Variants in FAM135B observed in about 807,000 individuals in gnomAD.
FAM135B encodes protein FAM135B.
Under a neutral mutation model 127.7 loss-of-function variants are expected in FAM135B, and 43 were observed. That is an observed-to-expected ratio of 0.34 (90% CI 0.26 to 0.43). The LOEUF (loss-of-function observed/expected upper bound fraction) is 0.43. Ranked by LOEUF, FAM135B falls within the 20% of genes least tolerant of loss-of-function variation. The probability of loss-of-function intolerance (pLI) is 1.00; values close to 1 mark genes in which losing one functional copy is unlikely to be tolerated. For missense variants in FAM135B, 1,558 were observed against 1,725.6 expected (o/e 0.90, Z 1.72); for synonymous variants, 670 against 665.1 (o/e 1.01, Z -0.11).
At chr8:138,473,701 C>T (rs963459082) in intron 1 of FAM135B, among the ~76,000 whole-genome samples, 5 of 152,084 alleles carry the variant, frequency 3.3e-5, no homozygotes, top group African/African-American at 7.2e-5. Context: ...ACTGGTAATT[C>T]GCTAAACAAT....
At chr8:138,430,555 G>C (rs973352727) in intron 1 of FAM135B, among the ~76,000 whole-genome samples, 1 of 152,174 alleles carries the variant, frequency 6.6e-6, no homozygotes, top group Non-Finnish European at 1.5e-5. Flanking sequence ...TGGCCTCCAA[G>C]AGGATACATT....
chr8:138,310,385 T>A (rs865895100), intron 3 of FAM135B, among the ~76,000 whole-genome samples: 3 of 152,156 alleles, frequency 2.0e-5, no homozygotes, highest in African/African-American at 4.8e-5. Context: ...ATCTGAGTTG[T>A]CCTTGGCAAT....
At chr8:138,415,847 T>C (rs954086599) in intron 1 of FAM135B, among the ~76,000 whole-genome samples, 1 of 152,198 alleles carries the variant, frequency 6.6e-6, no homozygotes, top group African/African-American at 2.4e-5. Context: ...TCTCCTGAAA[T>C]ATGTTTCACA....
intron 1 of FAM135B, among the ~76,000 whole-genome samples, chr8:138,407,366 C>T (rs1250946812): frequency 1.3e-5 from 2 of 152,190 alleles, no homozygotes; most frequent in African/African-American, 4.8e-5. Context: ...CCATCCCCAT[C>T]AAGCTACCAA....
chr8:138,389,935 T>C (rs770878559), intron 1 of FAM135B, among the ~76,000 whole-genome samples: 3 of 152,206 alleles, frequency 2.0e-5, no homozygotes, highest in Non-Finnish European at 4.4e-5. Flanking sequence ...AGGAAATAGC[T>C]GCCAGAATAA....
chr8:138,289,761 C>T (rs1824963280), intron 3 of FAM135B, among the ~76,000 whole-genome samples: 1 of 152,162 alleles, frequency 6.6e-6, no homozygotes. Flanking sequence ...CCTGTCCATC[C>T]CAATCATCCC....
chr8:138,397,929 C>T (rs996341554), intron 1 of FAM135B, among the ~76,000 whole-genome samples: 11 of 152,216 alleles, frequency 7.2e-5, no homozygotes, highest in African/African-American at 2.4e-4. Flanking sequence ...GTGGAGATTC[C>T]CTTCTCCTGA....
At chr8:138,308,916 T>C (rs1826459515) in intron 3 of FAM135B, 1 of 404,688 alleles carries the variant, frequency 2.5e-6, no homozygotes, top group South Asian at 1.8e-5. Flanking sequence ...CTCCGAGGCT[T>C]TTACCTTGAC....
At position 138,195,253 on chromosome 8, in the gene FAM135B, A is replaced by G. The variant is rs776639777; in HGVS notation, c.873+5T>C. ...TTCAGACCCCAGCGCCAGTTCTCCA[A>G]TTACCTGTAGCTCTGAGCACAGCTG... On this transcript the variant is annotated splice_donor_5th_base_variant and intron_variant, in intron 9 of 19. Transcript: ENST00000395297. The G allele has an allele frequency of 8.1e-6, 13 of 1,613,220 alleles. No homozygotes were observed. The highest frequency in any genetic ancestry group is 1.0e-5 in the Non-Finnish European group (12 of 1,179,672).
intron 1 of FAM135B, among the ~76,000 whole-genome samples, chr8:138,387,245 ACTT>A (rs1832273787): frequency 6.6e-6 from 1 of 152,128 alleles, no homozygotes; most frequent in Non-Finnish European, 1.5e-5. Context: ...AGCAGGCCAG[ACTT>A]CTTAAGTCCT....
At position 138,195,063 on chromosome 8, in the gene FAM135B, T is replaced by C. The variant is rs2131108947; in HGVS notation, c.873+195A>G. On this transcript the variant is annotated intron_variant, in intron 9 of 19. Transcript: ENST00000395297. ...TAACATGTTTAGTTTTTCCAAAATA[T>C]CTAGCAAGGCACATACTTATAGAAC... Among the ~76,000 whole-genome samples the C allele has an allele frequency of 2.6e-5, 4 of 152,354 alleles. 1 individual carries two copies. The Middle Eastern group carries it at 0.01, about 389-fold the overall frequency.
chr8:138,198,531 G>T (rs1036351852), intron 7 of FAM135B, among the ~76,000 whole-genome samples: 1 of 152,194 alleles, frequency 6.6e-6, no homozygotes, highest in South Asian at 2.1e-4. Context: ...AGGAGGAAAA[G>T]AAAGTGTCAT....
At chr8:138,408,143 C>A (rs923883025) in intron 1 of FAM135B, among the ~76,000 whole-genome samples, 1 of 152,120 alleles carries the variant, frequency 6.6e-6, no homozygotes, top group African/African-American at 2.4e-5. Flanking sequence ...TGCAATAGCC[C>A]CTAACAAAAG....
intron 3 of FAM135B, among the ~76,000 whole-genome samples, chr8:138,305,320 T>G (rs1826166006): frequency 6.6e-6 from 1 of 152,234 alleles, no homozygotes. Context: ...AATCATTTGC[T>G]GCAGCCTCAC....
intron 15 of FAM135B, among the ~76,000 whole-genome samples, chr8:138,145,204 A>T (rs905997618): frequency 6.6e-6 from 1 of 151,976 alleles, no homozygotes; most frequent in Non-Finnish European, 1.5e-5. Flanking sequence ...TTTGGAGAGA[A>T]AGGGTCTCAC....
chr8:138,300,768 T>TC (rs1825827357), intron 3 of FAM135B, among the ~76,000 whole-genome samples: 3 of 147,526 alleles, frequency 2.0e-5, no homozygotes, highest in Non-Finnish European at 4.5e-5. Context: ...TTTTTTTTTT[T>TC]AGAGACTGAG....
chr8:138,312,540 T>C (rs907375622), intron 2 of FAM135B, among the ~76,000 whole-genome samples: 16 of 151,150 alleles, frequency 1.1e-4, no homozygotes, highest in African/African-American at 3.9e-4. Flanking sequence ...AACAAGAAAA[T>C]TATACAAAAA....
intron 2 of FAM135B, among the ~76,000 whole-genome samples, chr8:138,331,819 T>A (rs1828201914): frequency 6.6e-6 from 1 of 152,180 alleles, no homozygotes; most frequent in Admixed American, 6.5e-5. Context: ...GGAAAAGGAT[T>A]CTGTGAGAAC....
intron 3 of FAM135B, among the ~76,000 whole-genome samples, chr8:138,268,715 T>G (rs998378671): frequency 3.3e-5 from 5 of 152,216 alleles, no homozygotes; most frequent in African/African-American, 1.2e-4. Flanking sequence ...ACATACTCTC[T>G]CTGCCCTTAA....
Sources: allele counts gnomAD v4.1 joint callset (sites outside exome capture counted in the v4.1 genomes callset), GRCh38; gene constraint gnomAD v4.1.1; transcripts MANE v1.5; gene names NCBI Gene and HGNC (gene_info 2026-07-23, HGNC 2026-07-21).